Variants in EEFSEC observed in about 807,000 individuals in gnomAD.
The protein encoded by EEFSEC is eukaryotic elongation factor, selenocysteine-tRNA specific, also known as selenocysteine-specific elongation factor.
EEFSEC carries 43 observed loss-of-function variants against 42.1 expected under a neutral mutation model. The observed-to-expected ratio is 1.02, with a 90% CI of 0.80 to 1.32. EEFSEC has a LOEUF of 1.32. Among genes scored for constraint, EEFSEC ranks in the 40% most tolerant of loss-of-function variants. The pLI is 0.00. For synonymous variants in EEFSEC, 354 were observed against 339.1 expected (o/e 1.04, Z -0.48); for missense variants, 745 against 803.6 (o/e 0.93, Z 0.88).
chr3:128,187,955 G>A (rs1271094802), intron 1 of EEFSEC, among the ~76,000 whole-genome samples: 2 of 152,246 alleles, frequency 1.3e-5, no homozygotes, highest in Admixed American at 1.3e-4. Flanking sequence ...GGTCACAAGT[G>A]TAAGCAGCCA....
chr3:128,210,188 T>C (rs1399974774), intron 1 of EEFSEC, among the ~76,000 whole-genome samples: 5 of 152,162 alleles, frequency 3.3e-5, no homozygotes, highest in Non-Finnish European at 7.3e-5. Flanking sequence ...CGTTATTTAG[T>C]AGAGAGAATG....
At chr3:128,396,663 G>A (rs190513036) in intron 6 of EEFSEC, among the ~76,000 whole-genome samples, 31 of 152,222 alleles carry the variant, frequency 2.0e-4, no homozygotes, top group African/African-American at 6.7e-4. Flanking sequence ...GGCCCACCAC[G>A]TTCTTGCTGT....
At chr3:128,226,259 A>G (rs934151067) in intron 1 of EEFSEC, among the ~76,000 whole-genome samples, 10 of 152,216 alleles carry the variant, frequency 6.6e-5, no homozygotes, top group African/African-American at 1.2e-4. Flanking sequence ...ATCAGAACCA[A>G]TTGGGTTAGA....
At chr3:128,271,748 T>C (rs1248417920) in intron 4 of EEFSEC, among the ~76,000 whole-genome samples, 9 of 152,156 alleles carry the variant, frequency 5.9e-5, no homozygotes, top group Non-Finnish European at 1.3e-4. Flanking sequence ...GGGCCGCTTC[T>C]GTGGCATGCT....
chr3:128,261,718 A>G (rs539903600), intron 2 of EEFSEC, among the ~76,000 whole-genome samples: 18 of 152,276 alleles, frequency 1.2e-4, no homozygotes, highest in African/African-American at 4.3e-4. Context: ...GCGTGCTTCC[A>G]GGTACATCTG....
At chr3:128,234,840 T>G (rs995139577) in intron 1 of EEFSEC, among the ~76,000 whole-genome samples, 1 of 152,216 alleles carries the variant, frequency 6.6e-6, no homozygotes, top group Non-Finnish European at 1.5e-5. Flanking sequence ...TCAAGATTCT[T>G]TAAGTCCTTC....
intron 5 of EEFSEC, among the ~76,000 whole-genome samples, chr3:128,350,661 T>C (rs917982282): frequency 3.9e-5 from 6 of 152,192 alleles, no homozygotes; most frequent in South Asian, 2.1e-4. Context: ...AATTGCTTTT[T>C]TGCCCATATA....
At chr3:128,281,036 G>T (rs1199649202) in intron 4 of EEFSEC, among the ~76,000 whole-genome samples, 1 of 152,042 alleles carries the variant, frequency 6.6e-6, no homozygotes, top group Non-Finnish European at 1.5e-5. Flanking sequence ...TACCCCCTCC[G>T]CTTCAGCCTA....
chr3:128,396,740 G>A (rs2067986122), intron 6 of EEFSEC, among the ~76,000 whole-genome samples: 1 of 152,244 alleles, frequency 6.6e-6, no homozygotes, highest in Non-Finnish European at 1.5e-5. Flanking sequence ...TAGCATGATT[G>A]TGAACTGAGG....
intron 1 of EEFSEC, among the ~76,000 whole-genome samples, chr3:128,203,737 A>G (rs928333856): frequency 6.6e-6 from 1 of 152,230 alleles, no homozygotes; most frequent in Non-Finnish European, 1.5e-5. Context: ...CTTTGAGGAT[A>G]AAGTTGTAAC....
chr3:128,405,141 C>T (rs3930227), intron 6 of EEFSEC, among the ~76,000 whole-genome samples: 2,216 of 152,100 alleles, frequency 0.015, 51 homozygotes, highest in African/African-American at 0.05. Flanking sequence ...TTCAGCCTCT[C>T]GAGTAGCTGG....
chr3:128,269,409 A>G (rs2066390979), intron 4 of EEFSEC, among the ~76,000 whole-genome samples: 1 of 152,164 alleles, frequency 6.6e-6, no homozygotes, highest in African/African-American at 2.4e-5. Flanking sequence ...TGAGGTTCAG[A>G]ACTCCTGACC....
chr3:128,354,225 C>G (rs1279385356), intron 5 of EEFSEC, among the ~76,000 whole-genome samples: 1 of 152,162 alleles, frequency 6.6e-6, no homozygotes, highest in African/African-American at 2.4e-5. Context: ...ACTGCGGACA[C>G]AGAAGTTCGC....
rs116212458 is a variant in EEFSEC at position 128,408,463 on chromosome 3, C to A, written c.*204C>A. ...GGCCAGGAGGGTCTCTCCTCCAGCC[C>A]CTGCACACTCCCACCCAGGACAGCC... is the stretch of plus-strand genomic sequence containing the variant. On this transcript the variant is annotated 3_prime_UTR_variant, in exon 7 of 7. Transcript: ENST00000254730. The A allele has an allele frequency of 1.4e-5, 7 of 498,830 alleles. No homozygotes were observed. The highest frequency in any genetic ancestry group is 1.2e-4 in the African/African-American group (6 of 50,080). The allele number at this position is 498,830 out of a possible 1,614,324, so 30.9% of individuals were successfully genotyped here.
intron 6 of EEFSEC, among the ~76,000 whole-genome samples, chr3:128,390,333 G>A (rs553194572): frequency 1.8e-4 from 28 of 152,356 alleles, no homozygotes; most frequent in African/African-American, 6.7e-4. Context: ...CTGGCTGTGA[G>A]ATGGGCATGG....
At chr3:128,199,782 G>A (rs2065624150) in intron 1 of EEFSEC, among the ~76,000 whole-genome samples, 1 of 152,192 alleles carries the variant, frequency 6.6e-6, no homozygotes, top group East Asian at 1.9e-4. Context: ...TGCCCAGGCT[G>A]GAGTGCAGTG....
chr3:128,292,874 T>A lies in EEFSEC; in HGVS notation c.786+28093T>A, dbSNP rs2066659322. Among the ~76,000 whole-genome samples, 4 of 152,262 alleles carry A rather than the reference T, an allele frequency of 2.6e-5. No individual in the cohort carries two copies. In the South Asian group the frequency reaches 8.3e-4, roughly 32 times the overall value. On this transcript the variant is annotated intron_variant, in intron 4 of 6. Coordinates refer to ENST00000254730, the MANE Select transcript of EEFSEC (RefSeq NM_021937.5). The stretch of plus-strand genomic sequence containing the variant: ...CTCTGCTGATCTTTAGCTTCTAAGA[T>A]GAAAGCTGAGATCCTTAATTATCAA...
At chr3:128,366,014 AGATTG>A in intron 6 of EEFSEC, among the ~76,000 whole-genome samples, 1 of 152,344 alleles carries the variant, frequency 6.6e-6, no homozygotes, top group Admixed American at 6.5e-5. Flanking sequence ...ACCAGGCAAC[AGATTG>A]TCAGGGGCTC....
chr3:128,254,429 C>T (rs1183413508), intron 2 of EEFSEC, among the ~76,000 whole-genome samples: 1 of 152,140 alleles, frequency 6.6e-6, no homozygotes, highest in Non-Finnish European at 1.5e-5. Context: ...ACATGTTAAC[C>T]GATTCAGTCT....
Sources: gnomAD v4.1 joint callset for allele counts (sites outside exome capture counted in the v4.1 genomes callset) on GRCh38, gnomAD v4.1.1 for gene constraint, MANE v1.5 for transcripts, NCBI Gene and HGNC (gene_info 2026-07-23, HGNC 2026-07-21) for gene names.